Variants in USP6 observed in about 807,000 individuals in gnomAD.
USP6 encodes the protein ubiquitin specific peptidase 6.
Under a neutral mutation model 175.7 loss-of-function variants are expected in USP6, and 128 were observed. The ratio of observed to expected loss-of-function variants is 0.73; its 90% CI spans 0.63 to 0.84. USP6 has a LOEUF of 0.84. Ranked by LOEUF, USP6 falls within the 40% of genes least tolerant of loss-of-function variation. The pLI is 0.00. For synonymous variants in USP6, 562 were observed against 630.6 expected (o/e 0.89, Z 1.63); for missense variants, 1,498 against 1,760.3 (o/e 0.85, Z 2.67).
At chr17:5,133,085 G>A (rs1290408230) in intron 13 of USP6, 95 bp downstream of exon 13, 10 of 1,444,930 alleles carry the variant, frequency 6.9e-6, no homozygotes, top group Non-Finnish European at 9.6e-6. Flanking sequence ...GCCTCTCAGA[G>A]GGCGGGTGGC....
In USP6 at chr17:5,135,272, A is replaced by G; in HGVS notation, c.533A>G (p.Glu178Gly). The stretch of plus-strand genomic sequence containing the variant: ...TTCTACATCCTCCTGGCCTATTCGG[A>G]GTATAACCCGGTGAGTATTCCCGGC... ...ELFYILLAYS[E>G]YNPEVGYCRD... The change falls in exon 16 of 38, where the codon GAG becomes GGG. Residue 178 changes from glutamate (E) to glycine (G), a missense_variant. Physicochemically the swap from Glu to Gly is moderately conservative, Grantham distance 98 (BLOSUM62 -2). This residue lies in a region of USP6 where 281 missense variants were observed against 259.6 expected (regional missense o/e 1.08). Coordinates refer to ENST00000574788, the MANE Select transcript of USP6 (RefSeq NM_001304284.2). The G allele has an allele frequency of 6.2e-7, 1 of 1,612,858 alleles. No homozygotes were observed. The highest frequency in any genetic ancestry group is 8.5e-7 in the Non-Finnish European group (1 of 1,179,122).
chr17:5,143,474 G>C, intron 25 of USP6, among the ~76,000 whole-genome samples: 1 of 151,594 alleles, frequency 6.6e-6, no homozygotes, highest in Non-Finnish European at 1.5e-5. Context: ...TGTGCTCTCT[G>C]AAACATGTGC....
At position 5,133,988 on chromosome 17, in the gene USP6, T is replaced by C. The variant is rs199572901; in HGVS notation, c.486T>C (p.Tyr162=). ...LRNHVFFRDR[Y]GAKQRELFYI... is the part of the protein sequence containing the mutation. ...ACCATGTCTTCTTTAGGGATCGATATGGAGCCAAGTAAGCCTACGGGAGCC... is the reference window on the plus strand; with the variant it reads ...ACCATGTCTTCTTTAGGGATCGATACGGAGCCAAGTAAGCCTACGGGAGCC... Residue 162 remains tyrosine, a synonymous_variant, in exon 15 of 38, where the codon TAT becomes TAC. Transcript: ENST00000574788. 1.9e-6 allele frequency: 3 copies of C among 1,614,018 alleles called. No homozygotes were observed. The highest frequency in any genetic ancestry group is 1.3e-5 in the African/African-American group (1 of 75,020).
intron 35 of USP6, among the ~76,000 whole-genome samples, 182 bp from the exon 36 acceptor site, chr17:5,170,297 T>C (rs977751164): frequency 6.6e-6 from 1 of 152,206 alleles, no homozygotes; most frequent in Admixed American, 6.5e-5. Context: ...GGACTTGGCA[T>C]TGAAGAAGAC....
chr17:5,160,357 A>G (rs928234051), intron 31 of USP6, among the ~76,000 whole-genome samples: 7 of 152,072 alleles, frequency 4.6e-5, no homozygotes, highest in African/African-American at 1.7e-4. Context: ...TGCCACTCTT[A>G]TGTTATATTC....
intron 10 of USP6, 67 bp from the exon 11 acceptor site, chr17:5,130,535 G>A: frequency 6.2e-7 from 1 of 1,610,944 alleles, no homozygotes; most frequent in Admixed American, 1.7e-5. Flanking sequence ...GGGACGGGTG[G>A]CCAATACCCC....
Position 5,147,125 on chromosome 17 carries a change from G to A in USP6, c.2362G>A (p.Gly788Arg), listed in dbSNP as rs768733961. 17 of 1,613,262 alleles carry A rather than the reference G, an allele frequency of 1.1e-5. No homozygotes were observed. The highest frequency in any genetic ancestry group is 4.0e-5 in the African/African-American group (3 of 74,804). ...DNQKVQLSVS[G>R]FLCAFEIPVP... Reference sequence around the variant, plus strand: ...CCAAAAAGTACAACTCTCAGTGAGCGGATTTTTGTGTGCATTTGAAATTCC... The same window carrying A: ...CCAAAAAGTACAACTCTCAGTGAGCAGATTTTTGTGTGCATTTGAAATTCC... The change falls in exon 29 of 38, where the codon GGA becomes AGA. Residue 788 changes from glycine to arginine, a missense_variant. This residue lies in a region of USP6 where 1,217 missense variants were observed against 1,500.8 expected (regional missense o/e 0.81). Transcript: ENST00000574788.
rs2072532939 is a variant in USP6 at position 5,116,217 on chromosome 17, G to A, written c.-2451G>A. ...AGGGGCCGCGGGCAGCGCTCGAGAC[G>A]CTCATTGAGAGGACTTCCCGCCTGC... On this transcript the variant is annotated 5_prime_UTR_variant, in exon 1 of 38. Transcript: ENST00000574788. Among the ~76,000 whole-genome samples, 2 of 138,882 alleles carry A rather than the reference G, an allele frequency of 1.4e-5. No homozygotes were observed. The highest frequency in any genetic ancestry group is 2.2e-4 in the South Asian group (1 of 4,634). 91.1% of individuals were successfully genotyped at this position (138,882 alleles called of 152,430 possible).
At chr17:5,147,033 CTT>C in intron 28 of USP6, 48 bp from the exon 29 acceptor site, 1 of 1,539,366 alleles carries the variant, frequency 6.5e-7, no homozygotes, top group South Asian at 1.2e-5. Context: ...AGAACTTTTC[CTT>C]TTTATCTGAA....
intron 30 of USP6, among the ~76,000 whole-genome samples, chr17:5,149,802 CTT>C (rs950092323): frequency 6.6e-6 from 1 of 151,736 alleles, no homozygotes; most frequent in African/African-American, 2.4e-5. Context: ...AAGGTTGACT[CTT>C]TGGTAAAAAA....
rs1333361039 is a variant in USP6, at chr17:5,132,411, T to G, written c.171T>G (p.Pro57=). 1 of 1,612,082 alleles carries G rather than the reference T, an allele frequency of 6.2e-7. No homozygotes were observed. The highest frequency in any genetic ancestry group is 1.7e-5 in the Admixed American group (1 of 60,006). ...RFGILHETEL[P]PVTAREAKKI... ...TGCCTTACAGTGAGACGGAGCTGCC[T>G]CCTGTGACTGCACGGGAGGCGAAGG... The change falls in exon 12 of 38, where the codon CCT becomes CCG. Residue 57 remains proline, a synonymous_variant. Coordinates refer to ENST00000574788, the MANE Select transcript of USP6 (RefSeq NM_001304284.2). This position sits in a 1 kb window ranked among gnomAD's most constrained non-coding sequence, Gnocchi z 4.7.
At position 5,148,645 on chromosome 17, in the gene USP6, C is replaced by T. The variant is rs2144023217; in HGVS notation, c.2521C>T (p.Pro841Ser). ...PKPIFIPNGM[P>S]NTVVPCGTEK... ...ACCAATATTCATCCCCAATGGAATG[C>T]CAAACACTGTTGTGCCATGTGGAAC... Residue 841 changes from proline (P) to serine (S), a missense_variant, in exon 30 of 38, where the codon CCA (proline) becomes TCA (serine). This residue lies in a region of USP6 where 1,217 missense variants were observed against 1,500.8 expected (regional missense o/e 0.81). Transcript: ENST00000574788. The T allele has an allele frequency of 6.2e-7, 1 of 1,613,932 alleles. No individual in the cohort carries two copies. Among genetic ancestry groups the T allele is most frequent in the East Asian group, 2.2e-5 (1 of 44,870 alleles).
Position 5,161,478 on chromosome 17 carries a change from C to T in USP6, c.2829-50C>T, listed in dbSNP as rs745309490. 5 of 1,593,114 alleles carry T rather than the reference C, an allele frequency of 3.1e-6. No individual in the cohort carries two copies. The African/African-American group carries it at 6.7e-5, about 21-fold the overall frequency. On this transcript the variant is annotated intron_variant, in intron 31 of 37. Transcript: ENST00000574788. ...CAAGAGAAGATGAAAAGGAGTTGGA[C>T]CTCGAACCAGAAATGCTTCTTACAC...
At chr17:5,159,013 G>A (rs2073952605) in intron 31 of USP6, among the ~76,000 whole-genome samples, 1 of 152,124 alleles carries the variant, frequency 6.6e-6, no homozygotes, top group Admixed American at 6.6e-5. Context: ...AATACATGGG[G>A]TATTTCATTG....
chr17:5,165,250 C>T (rs1428270579), intron 33 of USP6, among the ~76,000 whole-genome samples: 1 of 152,154 alleles, frequency 6.6e-6, no homozygotes, highest in Non-Finnish European at 1.5e-5. Flanking sequence ...TTACATTTTT[C>T]TCTGCTTTCC....
Position 5,129,033 on chromosome 17 carries a change from C to A in USP6, c.-256C>A, listed in dbSNP as rs1298450744. 1 of 152,482 alleles carries A rather than the reference C, an allele frequency of 6.6e-6. No homozygotes were observed. The highest frequency in any genetic ancestry group is 1.5e-5 in the Non-Finnish European group (1 of 68,038). 9.4% of individuals were successfully genotyped at this position (152,482 alleles called of 1,614,324 possible). A position where few individuals can be genotyped will look rare whatever the true frequency, so the allele number is the denominator to read the frequency against. On this transcript the variant is annotated 5_prime_UTR_variant, in exon 8 of 38. Coordinates refer to ENST00000574788, the MANE Select transcript of USP6 (RefSeq NM_001304284.2). ...GAGGAGGGTCATCCCTGAGCACTCA[C>A]CGGGCGCCCGTTCTACACTGCCCAT...
At chr17:5,167,055 T>G (rs1254764408) in intron 33 of USP6, among the ~76,000 whole-genome samples, 3 of 152,192 alleles carry the variant, frequency 2.0e-5, no homozygotes, top group African/African-American at 7.2e-5. Flanking sequence ...AGACAGATAA[T>G]TATAGACTTG....
At chr17:5,168,598 T>C (rs888050596) in intron 34 of USP6, among the ~76,000 whole-genome samples, 169 bp from the exon 35 acceptor site, 2 of 152,256 alleles carry the variant, frequency 1.3e-5, no homozygotes, top group African/African-American at 4.8e-5. Flanking sequence ...CTAGGGCCTG[T>C]GTAGAGGCCT....
chr17:5,172,708 G>A, intron 37 of USP6, 97 bp from the exon 38 acceptor site: 5 of 1,527,562 alleles, frequency 3.3e-6, no homozygotes, highest in Non-Finnish European at 4.4e-6. Context: ...AAGCAATCAG[G>A]TTAGTAATTA....
Sources: gnomAD v4.1 joint callset for allele counts (sites outside exome capture counted in the v4.1 genomes callset) on GRCh38, gnomAD v4.1.1 for gene constraint, gnomAD v4.1.1 regional missense constraint, Gnocchi (gnomAD v3.1) non-coding constraint, MANE v1.5 for transcripts, NCBI Gene and HGNC (gene_info 2026-07-23, HGNC 2026-07-21) for gene names.